Variants in PCDHA4 observed in about 807,000 individuals in gnomAD.
PCDHA4 encodes the protein protocadherin alpha 4.
A neutral mutation model predicts 61.4 loss-of-function variants in PCDHA4; 49 were observed. That is an observed-to-expected ratio of 0.80 (90% CI 0.63 to 1.01). The LOEUF (loss-of-function observed/expected upper bound fraction) is 1.01. Among genes scored for constraint, PCDHA4 ranks in the 50% least tolerant of loss-of-function variants. The pLI is 0.00. For missense variants in PCDHA4, 1,254 were observed against 1,235.8 expected (o/e 1.01, Z -0.22); for synonymous variants, 590 against 550.3 (o/e 1.07, Z -1.01).
At chr5:140,860,165 GT>G (rs1478173649) in intron 1 of PCDHA4, 2 of 147,750 alleles carry the variant, frequency 1.4e-5, no homozygotes, top group Non-Finnish European at 3.0e-5. Flanking sequence ...ATATATATAT[GT>G]ATATATATAT....
At chr5:140,870,771 C>A (rs370490786) in intron 1 of PCDHA4, 1 of 1,613,466 alleles carries the variant, frequency 6.2e-7, no homozygotes, top group Non-Finnish European at 8.5e-7. Context: ...TCGTGCTGGA[C>A]GAGAACGACA....
chr5:140,836,726 C>T (rs1326875671), intron 1 of PCDHA4: 9 of 1,610,652 alleles, frequency 5.6e-6, no homozygotes, highest in African/African-American at 2.7e-5. Flanking sequence ...AGGGTCCATC[C>T]TCTACAGACA....
chr5:140,929,517 A>G, intron 1 of PCDHA4: 1 of 761,634 alleles, frequency 1.3e-6, no homozygotes, highest in Non-Finnish European at 1.9e-6. Context: ...CAAGGGACTT[A>G]TAGTTTATTT....
chr5:140,823,178 C>G, intron 1 of PCDHA4: 2 of 1,613,864 alleles, frequency 1.2e-6, no homozygotes, highest in South Asian at 2.2e-5. Flanking sequence ...GAGAACAACC[C>G]GCCAGGCTGC....
At chr5:140,874,045 A>C (rs1365438306) in intron 1 of PCDHA4, among the ~76,000 whole-genome samples, 1 of 152,212 alleles carries the variant, frequency 6.6e-6, no homozygotes, top group East Asian at 1.9e-4. Flanking sequence ...CTTGGTGATG[A>C]TATTAGACAA....
At chr5:140,955,477 C>T (rs1401684156) in intron 1 of PCDHA4, among the ~76,000 whole-genome samples, 2 of 152,128 alleles carry the variant, frequency 1.3e-5, no homozygotes, top group African/African-American at 4.8e-5. Context: ...CTTGGCACCT[C>T]TCCTTCCTGC....
rs1333191283 is a variant in PCDHA4 at position 140,836,505 on chromosome 5, T to C, written c.2385+26933T>C. 11 of 1,613,862 alleles carry C rather than the reference T, an allele frequency of 6.8e-6. No homozygotes were observed. In the African/African-American group the frequency reaches 8.0e-5, roughly 12 times the overall value. On this transcript the variant is annotated intron_variant, in intron 1 of 3. Coordinates refer to ENST00000530339, the MANE Select transcript of PCDHA4 (RefSeq NM_018907.4). Reference sequence around the variant, plus strand: ...CCTGATCATCGCCATCTGCGCGGTGTCCAGTCTGTTGGTGCTTACCCTGCT... The same window carrying C: ...CCTGATCATCGCCATCTGCGCGGTGCCCAGTCTGTTGGTGCTTACCCTGCT...
rs2150283562 is a variant in PCDHA4, at chr5:140,838,076, TA to T, written c.2385+28505del. 8.0e-3 allele frequency among the ~76,000 whole-genome samples: 249 copies of T among 31,136 alleles called. 2 individuals are homozygous for T. The highest frequency in any genetic ancestry group is 0.023 in the African/African-American group (97 of 4,194). The allele number at this position is 31,136 out of a possible 152,430, so 20.4% of individuals were successfully genotyped here. On this transcript the variant is annotated intron_variant, in intron 1 of 3. Transcript: ENST00000530339. ...TTTTCCACTTTAAGTTATATATATA[TA>T]GTGTGTGTGTGTGTGTGTGTGTGTG... is the stretch of plus-strand genomic sequence containing the variant.
chr5:140,968,326 C>G (rs1554230623), intron 1 of PCDHA4: 1 of 1,614,058 alleles, frequency 6.2e-7, no homozygotes, highest in Non-Finnish European at 8.5e-7. Context: ...CAGTCACCTC[C>G]TATGTCTCCA....
chr5:140,839,117 T>C (rs1776042409), intron 1 of PCDHA4, among the ~76,000 whole-genome samples: 1 of 151,952 alleles, frequency 6.6e-6, no homozygotes, highest in Admixed American at 6.5e-5. Flanking sequence ...CATTAAGCCA[T>C]AATATGTCAT....
intron 2 of PCDHA4, among the ~76,000 whole-genome samples, chr5:140,981,645 A>G (rs2096941816): frequency 6.6e-6 from 1 of 152,126 alleles, no homozygotes; most frequent in Admixed American, 6.6e-5. Context: ...TTCTCTTAGG[A>G]TCCCACTTAT....
intron 1 of PCDHA4, chr5:140,828,637 G>GA: frequency 1.9e-6 from 3 of 1,614,174 alleles, no homozygotes; most frequent in Non-Finnish European, 1.7e-6. Flanking sequence ...GGCTAGATGT[G>GA]AAAATAAACA....
intron 3 of PCDHA4, among the ~76,000 whole-genome samples, chr5:140,988,398 C>A (rs531157517): frequency 1.3e-5 from 2 of 152,238 alleles, no homozygotes; most frequent in Non-Finnish European, 2.9e-5. Context: ...TGCCAGAGTT[C>A]TCTTCGCAGC....
Position 140,884,183 on chromosome 5 carries a change from G to T in PCDHA4, c.2385+74611G>T, listed in dbSNP as rs201206731. 6.2e-6 allele frequency: 10 copies of T among 1,613,306 alleles called. No individual in the cohort carries two copies. The East Asian group carries it at 6.7e-5, about 11-fold the overall frequency. The stretch of plus-strand genomic sequence containing the variant: ...GATCAGCACGACGCGCCCTCTGGAC[G>T]AGGTGGACGCGCCGCACCACCGCCT... On this transcript the variant is annotated intron_variant, in intron 1 of 3. Transcript: ENST00000530339.
chr5:140,965,236 A>G (rs1374558346), intron 1 of PCDHA4, among the ~76,000 whole-genome samples: 1 of 152,222 alleles, frequency 6.6e-6, no homozygotes, highest in African/African-American at 2.4e-5. Flanking sequence ...GAACCTGGGA[A>G]GAGTGAATAT....
At chr5:140,912,721 A>G (rs377668484) in intron 1 of PCDHA4, among the ~76,000 whole-genome samples, 2 of 152,066 alleles carry the variant, frequency 1.3e-5, no homozygotes, top group East Asian at 1.9e-4. Flanking sequence ...TCTCCATTCA[A>G]TATGATGTTG....
chr5:140,834,201 A>G, intron 1 of PCDHA4: 1 of 610,058 alleles, frequency 1.6e-6, no homozygotes, highest in South Asian at 2.4e-5. Context: ...TCTTTACCGC[A>G]AATTCTTTCG....
chr5:140,830,840 T>G (rs1048325789), intron 1 of PCDHA4: 1 of 154,714 alleles, frequency 6.5e-6, no homozygotes, highest in African/African-American at 2.4e-5. Flanking sequence ...ATAATTTTTT[T>G]ACATATACTC....
At chr5:140,841,519 G>C (rs1777296865) in intron 1 of PCDHA4, 1 of 1,613,472 alleles carries the variant, frequency 6.2e-7, no homozygotes, top group African/African-American at 1.3e-5. Context: ...TGTTCCGGGT[G>C]GCGTCCAAAA....
Sources: allele counts gnomAD v4.1 joint callset (sites outside exome capture counted in the v4.1 genomes callset), GRCh38; gene constraint gnomAD v4.1.1; transcripts MANE v1.5; gene names NCBI Gene and HGNC (gene_info 2026-07-23, HGNC 2026-07-21).